The following ZNF804A variants were observed in gnomAD, a reference collection of about 807,000 sequenced individuals.
ZNF804A encodes the protein zinc finger protein 804A.
A neutral mutation model predicts 16.5 loss-of-function variants in ZNF804A; 2 were observed. That is an observed-to-expected ratio of 0.12 (90% CI 0.05 to 0.38). The LOEUF is 0.38. ZNF804A is among the 10% of genes least tolerant of loss of function. The probability of loss-of-function intolerance (pLI) is 0.99; values close to 1 mark genes in which losing one functional copy is unlikely to be tolerated. For synonymous variants in ZNF804A, 534 were observed against 489.6 expected, an observed-to-expected ratio of 1.09 and a Z score of -1.20; for missense variants, 1,473 against 1,390.7, an observed-to-expected ratio of 1.06 and a Z score of -0.94.
intron 2 of ZNF804A, among the ~76,000 whole-genome samples, chr2:184,894,098 C>T (rs1685029786): frequency 6.6e-6 from 1 of 151,998 alleles, no homozygotes. Context: ...ACAAGAAGAT[C>T]ATGTTTTGAT....
chr2:184,908,621 G>C (rs555649659), intron 2 of ZNF804A, among the ~76,000 whole-genome samples: 6 of 152,186 alleles, frequency 3.9e-5, no homozygotes, highest in African/African-American at 1.4e-4. Flanking sequence ...TCAATATTAA[G>C]ATTAGCAGAC....
chr2:184,823,501 G>C (rs1337917483), intron 1 of ZNF804A, among the ~76,000 whole-genome samples: 1 of 152,052 alleles, frequency 6.6e-6, no homozygotes, highest in African/African-American at 2.4e-5. Flanking sequence ...CAGAACTATT[G>C]ACATACAGGA....
chr2:184,890,264 T>C (rs1271284095), intron 2 of ZNF804A, among the ~76,000 whole-genome samples: 3 of 152,188 alleles, frequency 2.0e-5, no homozygotes, highest in Non-Finnish European at 4.4e-5. Context: ...TAAAAGCTTA[T>C]ATGACTTCGT....
At chr2:184,755,721 GT>G (rs1315392332) in intron 1 of ZNF804A, among the ~76,000 whole-genome samples, 1 of 151,924 alleles carries the variant, frequency 6.6e-6, no homozygotes, top group Non-Finnish European at 1.5e-5. Flanking sequence ...CCATTTTAAT[GT>G]AAACTAGTCA....
intron 2 of ZNF804A, among the ~76,000 whole-genome samples, chr2:184,917,359 C>T (rs765284008): frequency 2.6e-5 from 4 of 152,094 alleles, no homozygotes; most frequent in Non-Finnish European, 5.9e-5. Context: ...CCTTAATATC[C>T]TGTAACTTAA....
At chr2:184,923,140 T>C (rs1386178627) in intron 2 of ZNF804A, among the ~76,000 whole-genome samples, 1 of 152,066 alleles carries the variant, frequency 6.6e-6, no homozygotes, top group African/African-American at 2.4e-5. Context: ...TTACTTTGGG[T>C]AGTATGTACA....
At chr2:184,656,224 A>G (rs1692071344) in intron 1 of ZNF804A, among the ~76,000 whole-genome samples, 1 of 152,140 alleles carries the variant, frequency 6.6e-6, no homozygotes, top group Non-Finnish European at 1.5e-5. Flanking sequence ...CACATTACAC[A>G]TAGTTATGCC....
chr2:184,897,728 C>T (rs1685110921), intron 2 of ZNF804A, among the ~76,000 whole-genome samples: 1 of 152,000 alleles, frequency 6.6e-6, no homozygotes, highest in South Asian at 2.1e-4. Context: ...TCAAATTATT[C>T]CAGCTTTGGC....
At chr2:184,688,348 G>C (rs1391085853) in intron 1 of ZNF804A, among the ~76,000 whole-genome samples, 2 of 149,632 alleles carry the variant, frequency 1.3e-5, no homozygotes, top group Non-Finnish European at 3.0e-5. Flanking sequence ...CTCTTTCTGT[G>C]TGTGTGTGTG....
At chr2:184,634,462 T>C (rs1691663279) in intron 1 of ZNF804A, among the ~76,000 whole-genome samples, 1 of 152,022 alleles carries the variant, frequency 6.6e-6, no homozygotes, top group Non-Finnish European at 1.5e-5. Context: ...GTGGGCCCAA[T>C]GTAATCACAA....
At chr2:184,719,014 T>TG (rs1364200713) in intron 1 of ZNF804A, among the ~76,000 whole-genome samples, 2 of 152,172 alleles carry the variant, frequency 1.3e-5, no homozygotes, top group Non-Finnish European at 2.9e-5. Context: ...GAGGGCCCCA[T>TG]CCCTACAGCA....
intron 1 of ZNF804A, among the ~76,000 whole-genome samples, chr2:184,738,059 G>C (rs575848799): frequency 6.6e-6 from 1 of 151,588 alleles, no homozygotes; most frequent in East Asian, 1.9e-4. Flanking sequence ...CTGGGAGGCG[G>C]AGGGTGCAGT....
intron 1 of ZNF804A, among the ~76,000 whole-genome samples, chr2:184,630,978 A>G (rs1691598042): frequency 6.6e-6 from 1 of 152,180 alleles, no homozygotes; most frequent in South Asian, 2.1e-4. Context: ...GCACAAAGTA[A>G]AGAAAATATA....
chr2:184,899,203 T>C (rs1049571347), intron 2 of ZNF804A, among the ~76,000 whole-genome samples: 4 of 151,988 alleles, frequency 2.6e-5, no homozygotes, highest in Non-Finnish European at 4.4e-5. Flanking sequence ...CAAAAGCCTA[T>C]TTTATATGTA....
intron 1 of ZNF804A, among the ~76,000 whole-genome samples, chr2:184,804,316 C>G (rs1044295637): frequency 2.0e-5 from 3 of 152,130 alleles, no homozygotes; most frequent in African/African-American, 7.2e-5. Flanking sequence ...ATAGGCATGT[C>G]TTTTGAAGAG....
chr2:184,752,991 C>T lies in ZNF804A; in HGVS notation c.112-113378C>T, dbSNP rs1208019497. 2.0e-5 allele frequency among the ~76,000 whole-genome samples: 3 copies of T among 150,718 alleles called. No homozygotes were observed. In the Admixed American group the frequency reaches 2.0e-4, roughly 10 times the overall value. On this transcript the variant is annotated intron_variant, in intron 1 of 3. Transcript: ENST00000302277. The stretch of plus-strand genomic sequence containing the variant: ...TGGTGAAAATCGGGGAAAAGGGTAC[C>T]CTTTTACATATAAGATCATGATTTT...
chr2:184,812,863 G>T lies in ZNF804A; in HGVS notation c.112-53506G>T, dbSNP rs569712473. ...GCATGGGTTTATTATGTTTGTTAAT[G>T]TTAACATTGGTGAGAGTAAAGAATA... is the stretch of plus-strand genomic sequence containing the variant. On this transcript the variant is annotated intron_variant, in intron 1 of 3. Transcript: ENST00000302277. Among the ~76,000 whole-genome samples the T allele has an allele frequency of 4.6e-5, 7 of 152,168 alleles. No individual in the cohort carries two copies. The South Asian group carries it at 1.5e-3, about 32-fold the overall frequency.
rs560525143 is a variant in ZNF804A, at chr2:184,930,884, C to T, written c.256-2719C>T. On this transcript the variant is annotated intron_variant, in intron 2 of 3. Coordinates refer to ENST00000302277, the MANE Select transcript of ZNF804A (RefSeq NM_194250.2). Reference sequence around the variant, plus strand: ...CTAGTGGTATTAGTTCATTCTCATGCTGCTAATAAAGACATACCAGAAACT... The same window carrying T: ...CTAGTGGTATTAGTTCATTCTCATGTTGCTAATAAAGACATACCAGAAACT... Among the ~76,000 whole-genome samples the T allele has an allele frequency of 7.2e-5, 11 of 152,240 alleles. No homozygotes were observed. The South Asian group carries it at 1.9e-3, about 26-fold the overall frequency.
intron 1 of ZNF804A, among the ~76,000 whole-genome samples, chr2:184,821,172 A>T (rs1052675715): frequency 6.6e-6 from 1 of 152,282 alleles, no homozygotes; most frequent in East Asian, 1.9e-4. Flanking sequence ...GTATACTACA[A>T]GGCTGCAGTA....
Sources: gnomAD v4.1 joint callset for allele counts (sites outside exome capture counted in the v4.1 genomes callset) on GRCh38, gnomAD v4.1.1 for gene constraint, MANE v1.5 for transcripts, NCBI Gene and HGNC (gene_info 2026-07-23, HGNC 2026-07-21) for gene names.